PRKN: variants seen among roughly 807,000 people sequenced by gnomAD.
PRKN encodes the protein E3 ubiquitin-protein ligase parkin.
In PRKN, 56 loss-of-function variants were observed where a neutral mutation model predicts 59.5. The observed-to-expected ratio is 0.94, with a 90% confidence interval of 0.76 to 1.18. The LOEUF is 1.18. Among genes scored for constraint, PRKN ranks in the 50% most tolerant of loss-of-function variants. The pLI is 0.00. For synonymous variants in PRKN, 250 were observed against 222.1 expected (o/e 1.13, Z -1.12); for missense variants, 657 against 596.4 (o/e 1.10, Z -1.06).
chr6:161,731,082 G>T (rs1026753205), intron 7 of PRKN, among the ~76,000 whole-genome samples: 6 of 152,146 alleles, frequency 3.9e-5, no homozygotes, highest in Non-Finnish European at 5.9e-5. Flanking sequence ...TTTCTGATAT[G>T]TTGCATTCTT....
intron 2 of PRKN, among the ~76,000 whole-genome samples, chr6:162,312,448 T>A (rs535461836): frequency 1.3e-5 from 2 of 152,234 alleles, no homozygotes; most frequent in South Asian, 4.1e-4. Context: ...GACATCCTCA[T>A]GCAAGGTGAC....
intron 7 of PRKN, among the ~76,000 whole-genome samples, chr6:161,646,676 G>A (rs530289404): frequency 6.6e-5 from 10 of 152,300 alleles, no homozygotes; most frequent in Non-Finnish European, 1.5e-4. Flanking sequence ...AGGGCTCATT[G>A]TATGGATGGG....
chr6:161,418,964 C>T (rs1042782621), intron 9 of PRKN, among the ~76,000 whole-genome samples: 3 of 152,116 alleles, frequency 2.0e-5, no homozygotes, highest in African/African-American at 7.2e-5. Context: ...TCTGGTGTTG[C>T]CTACACAGAA....
Position 161,481,215 on chromosome 6 carries a change from T to C in PRKN, c.1083+67639A>G, listed in dbSNP as rs551630230. ...AAGGGCTCTACCAATTAAAATCACATTGGTTTTTCCTAAAGAATTCCTATC... is the reference window on the plus strand; with the variant it reads ...AAGGGCTCTACCAATTAAAATCACACTGGTTTTTCCTAAAGAATTCCTATC... On this transcript the variant is annotated intron_variant, in intron 9 of 11. Coordinates refer to ENST00000366898, the MANE Select transcript of PRKN (RefSeq NM_004562.3). 2.0e-5 allele frequency among the ~76,000 whole-genome samples: 3 copies of C among 152,328 alleles called. No individual in the cohort carries two copies. In the South Asian group the frequency reaches 6.2e-4, roughly 32 times the overall value.
chr6:162,112,136 A>C (rs1377036497), intron 4 of PRKN, among the ~76,000 whole-genome samples: 1 of 152,232 alleles, frequency 6.6e-6, no homozygotes, highest in African/African-American at 2.4e-5. Flanking sequence ...CCACACTGGA[A>C]CAGTTGAATA....
At chr6:162,455,813 A>T (rs1164594442) in intron 1 of PRKN, among the ~76,000 whole-genome samples, 1 of 152,186 alleles carries the variant, frequency 6.6e-6, no homozygotes, top group Non-Finnish European at 1.5e-5. Flanking sequence ...ACAAAAGTGT[A>T]TTAAACTGAA....
At chr6:161,935,585 A>AAGG (rs1779327870) in intron 6 of PRKN, among the ~76,000 whole-genome samples, 1 of 151,402 alleles carries the variant, frequency 6.6e-6, no homozygotes, top group Admixed American at 6.6e-5. Flanking sequence ...GAAGAAGAAG[A>AAGG]AGGATAAGAC....
intron 6 of PRKN, among the ~76,000 whole-genome samples, chr6:161,817,395 C>G (rs945728847): frequency 1.1e-4 from 17 of 152,116 alleles, no homozygotes; most frequent in South Asian, 2.1e-4. Context: ...GGGATTTAGA[C>G]CTAGTGTATG....
chr6:162,677,815 T>A (rs1395196671), intron 1 of PRKN, among the ~76,000 whole-genome samples: 1 of 152,184 alleles, frequency 6.6e-6, no homozygotes, highest in East Asian at 1.9e-4. Flanking sequence ...TCTATTGAGG[T>A]CTGACACACA....
In PRKN at chr6:161,565,246, A is replaced by T. The variant is rs186081408; in HGVS notation, c.933+4109T>A. 2.9e-3 allele frequency among the ~76,000 whole-genome samples: 437 copies of T among 152,220 alleles called. 4 individuals carry two copies. The highest frequency in any genetic ancestry group is 9.4e-3 in the African/African-American group (392 of 41,530). On this transcript the variant is annotated intron_variant, in intron 8 of 11. Coordinates refer to ENST00000366898, the MANE Select transcript of PRKN (RefSeq NM_004562.3). ...ACTTCAATGCCAGTGCCTTTTCTGC[A>T]TCTGTGCCTACACAGATGAGTGTGT...
In PRKN at chr6:161,825,014, C is replaced by T. The variant is rs530253841; in HGVS notation, c.735-39106G>A. 4.6e-5 allele frequency among the ~76,000 whole-genome samples: 7 copies of T among 152,188 alleles called. No individual in the cohort carries two copies. The South Asian group carries it at 8.3e-4, about 18-fold the overall frequency. The stretch of plus-strand genomic sequence containing the variant: ...AAGTTACCTCAAATTTGAAAACAAG[C>T]CTCAAAGTTGTCATATTTCCAATAA... On this transcript the variant is annotated intron_variant, in intron 6 of 11. Transcript: ENST00000366898.
chr6:162,572,709 C>T (rs1315721644), intron 1 of PRKN, among the ~76,000 whole-genome samples: 1 of 152,182 alleles, frequency 6.6e-6, no homozygotes, highest in Non-Finnish European at 1.5e-5. Flanking sequence ...AGGAATCTCA[C>T]TAGCTCTTTC....
intron 2 of PRKN, among the ~76,000 whole-genome samples, chr6:162,302,329 T>G (rs573832873): frequency 2.9e-5 from 4 of 138,368 alleles, no homozygotes; most frequent in African/African-American, 1.4e-4. Context: ...TGTTAGGTTA[T>G]GTTATAAGAC....
At chr6:162,244,971 G>A (rs533685220) in intron 3 of PRKN, among the ~76,000 whole-genome samples, 2 of 152,190 alleles carry the variant, frequency 1.3e-5, no homozygotes, top group African/African-American at 4.8e-5. Context: ...CAAACTGTTA[G>A]AAGAAAGGGA....
At chr6:161,647,200 A>G (rs1355088997) in intron 7 of PRKN, among the ~76,000 whole-genome samples, 2 of 152,178 alleles carry the variant, frequency 1.3e-5, no homozygotes, top group African/African-American at 4.8e-5. Context: ...GTACATCCTT[A>G]CCTATAAGGA....
chr6:161,749,201 G>A (rs1788570536), intron 7 of PRKN, among the ~76,000 whole-genome samples: 1 of 152,210 alleles, frequency 6.6e-6, no homozygotes, highest in Non-Finnish European at 1.5e-5. Flanking sequence ...GAGGGGCGCA[G>A]CTTCGCCTAT....
intron 1 of PRKN, among the ~76,000 whole-genome samples, chr6:162,471,492 TCTC>T (rs1791744575): frequency 6.6e-6 from 1 of 152,164 alleles, no homozygotes; most frequent in African/African-American, 2.4e-5. Context: ...CGCTATATGT[TCTC>T]CTTTCCTTTC....
intron 3 of PRKN, among the ~76,000 whole-genome samples, chr6:162,235,981 G>GAAAGAAAGAAAGAAAGAAAGAA (rs1778677881): frequency 1.9e-5 from 2 of 105,316 alleles, no homozygotes; most frequent in African/African-American, 7.8e-5. Context: ...AAGAAAGAAA[G>GAAAGAAAGAAAGAAAGAAAGAA]AAAGAAAGAA....
At position 161,450,645 on chromosome 6, in the gene PRKN, C is replaced by T. The variant is rs953896874; in HGVS notation, c.1084-63768G>A. ...GATCTCAGCTCACTGCAACCTCTGCCTCCCAGGTTCAAGTGATTCTCCTGC... is the reference window on the plus strand; with the variant it reads ...GATCTCAGCTCACTGCAACCTCTGCTTCCCAGGTTCAAGTGATTCTCCTGC... On this transcript the variant is annotated intron_variant, in intron 9 of 11. Coordinates refer to ENST00000366898, the MANE Select transcript of PRKN (RefSeq NM_004562.3). Among the ~76,000 whole-genome samples, 5 of 152,178 alleles carry T rather than the reference C, an allele frequency of 3.3e-5. No homozygotes were observed. The East Asian group carries it at 9.6e-4, about 29-fold the overall frequency.
Sources: gnomAD v4.1 joint callset for allele counts (sites outside exome capture counted in the v4.1 genomes callset) on GRCh38, gnomAD v4.1.1 for gene constraint, MANE v1.5 for transcripts, NCBI Gene and HGNC (gene_info 2026-07-23, HGNC 2026-07-21) for gene names.